The following LRRC4C variants were observed in gnomAD, a reference collection of about 807,000 sequenced individuals.
LRRC4C encodes the protein leucine rich repeat containing 4C.
A neutral mutation model predicts 33.6 loss-of-function variants in LRRC4C; 5 were observed. The ratio of observed to expected loss-of-function variants is 0.15; its 90% CI spans 0.08 to 0.31. The LOEUF is 0.31. Ranked by LOEUF, LRRC4C falls within the 10% of genes least tolerant of loss-of-function variation. LRRC4C has a pLI of 1.00. For synonymous variants in LRRC4C, 329 were observed against 302.0 expected (o/e 1.09, Z -0.93); for missense variants, 560 against 796.7 (o/e 0.70, Z 3.58).
At chr11:41,147,738 C>CT (rs1438997943) in intron 1 of LRRC4C, among the ~76,000 whole-genome samples, 1 of 152,102 alleles carries the variant, frequency 6.6e-6, no homozygotes, top group Non-Finnish European at 1.5e-5. Flanking sequence ...ACTCAAAGAG[C>CT]TTTAATCAGA....
intron 2 of LRRC4C, among the ~76,000 whole-genome samples, chr11:40,769,843 G>T (rs1010397715): frequency 6.6e-6 from 1 of 152,052 alleles, no homozygotes; most frequent in Admixed American, 6.6e-5. Flanking sequence ...ATGGATTAAA[G>T]ACTTAAATCT....
intron 3 of LRRC4C, among the ~76,000 whole-genome samples, chr11:40,330,419 G>A (rs925667611): frequency 1.3e-5 from 2 of 152,144 alleles, no homozygotes; most frequent in African/African-American, 4.8e-5. Flanking sequence ...TCAAGTAAGG[G>A]TAATTAGCAT....
chr11:41,195,518 C>T (rs1164340655), intron 1 of LRRC4C, among the ~76,000 whole-genome samples: 1 of 151,962 alleles, frequency 6.6e-6, no homozygotes, highest in Admixed American at 6.6e-5. Flanking sequence ...CTGCCTTTAA[C>T]TTTAGTAAGC....
intron 1 of LRRC4C, among the ~76,000 whole-genome samples, chr11:41,364,715 G>A (rs1050225170): frequency 6.6e-6 from 1 of 152,168 alleles, no homozygotes; most frequent in Non-Finnish European, 1.5e-5. Context: ...TGCTCAAAAA[G>A]ATAAATTAAA....
intron 4 of LRRC4C, among the ~76,000 whole-genome samples, chr11:40,271,974 T>C (rs1312915040): frequency 6.6e-6 from 1 of 152,150 alleles, no homozygotes; most frequent in Non-Finnish European, 1.5e-5. Flanking sequence ...TTCCTTTTGG[T>C]TCTATCTGAA....
rs78527208 is a variant in LRRC4C at position 40,580,086 on chromosome 11, T to C, written c.-270+68056A>G. Among the ~76,000 whole-genome samples, 303 of 151,842 alleles carry C rather than the reference T, an allele frequency of 2.0e-3. 1 individual carries two copies. Among genetic ancestry groups the C allele is most frequent in the African/African-American group, 7.0e-3 (287 of 41,286 alleles). On this transcript the variant is annotated intron_variant, in intron 3 of 6. Coordinates refer to ENST00000528697, the MANE Select transcript of LRRC4C (RefSeq NM_001258419.2). The stretch of plus-strand genomic sequence containing the variant: ...GTGTGTGTGTGTGTGTGTGTGTGTG[T>C]GCCTTTCAAGATGAAAGGGAGTGAG...
chr11:41,165,334 T>G (rs142201545), intron 1 of LRRC4C, among the ~76,000 whole-genome samples: 536 of 152,280 alleles, frequency 3.5e-3, no homozygotes, highest in Non-Finnish European at 5.8e-3. Flanking sequence ...TGTCATTATG[T>G]GCTTTATGAT....
chr11:40,379,606 C>T (rs933619922), intron 3 of LRRC4C, among the ~76,000 whole-genome samples: 2 of 152,100 alleles, frequency 1.3e-5, no homozygotes, highest in Admixed American at 6.5e-5. Flanking sequence ...AGAAAAAAAC[C>T]TGAGGTGTAT....
chr11:40,273,796 T>C (rs1189572333), intron 4 of LRRC4C, among the ~76,000 whole-genome samples: 3 of 152,166 alleles, frequency 2.0e-5, no homozygotes, highest in African/African-American at 7.2e-5. Flanking sequence ...TGAAACAAGA[T>C]ATGATTATTG....
chr11:41,195,923 AGAAG>A (rs1422838700), intron 1 of LRRC4C, among the ~76,000 whole-genome samples: 1 of 152,072 alleles, frequency 6.6e-6, no homozygotes, highest in Non-Finnish European at 1.5e-5. Flanking sequence ...AAGCCCTTTG[AGAAG>A]GAAGGAAGTC....
At chr11:40,522,283 A>C (rs1401704097) in intron 3 of LRRC4C, among the ~76,000 whole-genome samples, 4 of 151,918 alleles carry the variant, frequency 2.6e-5, no homozygotes, top group African/African-American at 9.7e-5. Context: ...ACCCACCTCC[A>C]CCTCCCAAAG....
At chr11:40,742,166 C>T (rs1026616605) in intron 2 of LRRC4C, among the ~76,000 whole-genome samples, 10 of 151,934 alleles carry the variant, frequency 6.6e-5, no homozygotes, top group Non-Finnish European at 1.3e-4. Context: ...TTTGAAATCA[C>T]ATCAAAATTG....
chr11:40,913,994 A>G (rs573017127), intron 2 of LRRC4C, among the ~76,000 whole-genome samples: 27 of 152,196 alleles, frequency 1.8e-4, no homozygotes, highest in Non-Finnish European at 3.1e-4. Context: ...CAAGACTAAA[A>G]CAGGAAGAAG....
At chr11:40,896,444 C>T (rs1955942933) in intron 2 of LRRC4C, among the ~76,000 whole-genome samples, 1 of 152,096 alleles carries the variant, frequency 6.6e-6, no homozygotes, top group Non-Finnish European at 1.5e-5. Context: ...CATGAGTGTA[C>T]TTCAAATTCA....
chr11:40,272,237 G>T (rs1227474881), intron 4 of LRRC4C, among the ~76,000 whole-genome samples: 3 of 152,002 alleles, frequency 2.0e-5, no homozygotes, highest in Non-Finnish European at 4.4e-5. Context: ...TTCTCCATTG[G>T]CCTTAAGAAA....
At chr11:40,440,034 A>G (rs911832782) in intron 3 of LRRC4C, among the ~76,000 whole-genome samples, 1 of 152,236 alleles carries the variant, frequency 6.6e-6, no homozygotes, top group African/African-American at 2.4e-5. Context: ...GACACAGTTG[A>G]ACAGTTGCAA....
At chr11:40,991,473 T>A (rs1172142443) in intron 1 of LRRC4C, among the ~76,000 whole-genome samples, 1 of 152,168 alleles carries the variant, frequency 6.6e-6, no homozygotes. Context: ...TTTCCACAGA[T>A]CTGGGAGTGA....
chr11:40,865,499 A>T (rs912690065), intron 2 of LRRC4C, among the ~76,000 whole-genome samples: 2 of 115,938 alleles, frequency 1.7e-5, no homozygotes, highest in African/African-American at 5.8e-5. Context: ...AGATTTAGCC[A>T]TTCCACAGTG....
At chr11:41,114,027 TA>T (rs1941987451) in intron 1 of LRRC4C, among the ~76,000 whole-genome samples, 1 of 152,038 alleles carries the variant, frequency 6.6e-6, no homozygotes, top group African/African-American at 2.4e-5. Flanking sequence ...TTTATCAGTA[TA>T]AAAATAGCTT....
Sources: allele counts gnomAD v4.1 joint callset (sites outside exome capture counted in the v4.1 genomes callset), GRCh38; gene constraint gnomAD v4.1.1; transcripts MANE v1.5; gene names NCBI Gene and HGNC (gene_info 2026-07-23, HGNC 2026-07-21).